STAM: variants seen among roughly 807,000 people sequenced by gnomAD.
STAM encodes signal transducing adapter molecule 1.
A neutral mutation model predicts 63.4 loss-of-function variants in STAM; 16 were observed. That is an observed-to-expected ratio of 0.25 (90% CI 0.17 to 0.38). STAM has a LOEUF of 0.38. Ranked by LOEUF, STAM falls within the 10% of genes least tolerant of loss-of-function variation. The probability of loss-of-function intolerance (pLI) is 1.00; values close to 1 mark genes in which losing one functional copy is unlikely to be tolerated. For synonymous variants in STAM, 238 were observed against 223.9 expected (o/e 1.06, Z -0.56); for missense variants, 636 against 657.1 (o/e 0.97, Z 0.35).
intron 10 of STAM, 138 bp downstream of exon 10, chr10:17,704,656 A>G (rs1313139921): frequency 2.7e-6 from 2 of 730,382 alleles, no homozygotes; most frequent in South Asian, 1.9e-5. Flanking sequence ...TCACTCTCAT[A>G]TGCAGTTGAA....
chr10:17,710,996 T>C (rs1181681363), intron 13 of STAM, among the ~76,000 whole-genome samples: 42 of 152,206 alleles, frequency 2.8e-4, no homozygotes, highest in African/African-American at 1.0e-3. Context: ...AGAGCAAATG[T>C]AGGATGAGGA....
At chr10:17,664,065 T>A (rs1368091025) in intron 2 of STAM, among the ~76,000 whole-genome samples, 2 of 150,454 alleles carry the variant, frequency 1.3e-5, no homozygotes, top group Non-Finnish European at 3.0e-5. Context: ...CACTTTTTTC[T>A]TCTTGTTTTA....
intron 10 of STAM, 85 bp downstream of exon 10, chr10:17,704,603 A>T: frequency 8.6e-7 from 1 of 1,162,510 alleles, no homozygotes; most frequent in Non-Finnish European, 1.3e-6. Context: ...TTTTGAGGAT[A>T]ATATTAAAAA....
At chr10:17,647,897 C>T (rs1833579782) in intron 1 of STAM, among the ~76,000 whole-genome samples, 1 of 152,192 alleles carries the variant, frequency 6.6e-6, no homozygotes, top group African/African-American at 2.4e-5. Flanking sequence ...TATCCATCTC[C>T]TTACTGAGCA....
At chr10:17,670,043 C>G (rs1227113009) in intron 2 of STAM, among the ~76,000 whole-genome samples, 1 of 151,938 alleles carries the variant, frequency 6.6e-6, no homozygotes, top group African/African-American at 2.4e-5. Flanking sequence ...AATTTCCCTT[C>G]TTAAAGGGTA....
In STAM at chr10:17,667,122, T is replaced by C. The variant is rs964382479; in HGVS notation, c.125+6574T>C. Among the ~76,000 whole-genome samples, 9 of 68,120 alleles carry C rather than the reference T, an allele frequency of 1.3e-4. No homozygotes were observed. The Admixed American group carries it at 2.2e-3, about 16-fold the overall frequency. 44.7% of individuals were successfully genotyped at this position (68,120 alleles called of 152,430 possible). On this transcript the variant is annotated intron_variant, in intron 2 of 13. Transcript: ENST00000377524. ...AATAGCGGAAGTGTTCCAGCAGAGT[T>C]AAATAATTTTTTTTTTTTTTTGAGA...
At chr10:17,678,985 C>G (rs74490561) in intron 2 of STAM, among the ~76,000 whole-genome samples, 9,065 of 152,238 alleles carry the variant, frequency 0.06, 369 homozygotes, top group Middle Eastern at 0.13. Context: ...GAATACTATT[C>G]CATTGTATAT....
chr10:17,649,915 A>G (rs1487424505), intron 1 of STAM, among the ~76,000 whole-genome samples: 1 of 152,154 alleles, frequency 6.6e-6, no homozygotes. Context: ...GGCCCAGCCA[A>G]TTTGGTAATA....
At chr10:17,701,847 A>C (rs189373259) in intron 9 of STAM, among the ~76,000 whole-genome samples, 1 of 152,240 alleles carries the variant, frequency 6.6e-6, no homozygotes, top group Non-Finnish European at 1.5e-5. Context: ...GGATGATTTC[A>C]TATACTGGTT....
chr10:17,645,023 G>C (rs893562002), intron 1 of STAM, among the ~76,000 whole-genome samples: 8 of 152,206 alleles, frequency 5.3e-5, no homozygotes, highest in African/African-American at 1.9e-4. Context: ...AGAAGTTGTT[G>C]AATCTGGAAA....
At chr10:17,713,964 C>G (rs939425648) in intron 13 of STAM, among the ~76,000 whole-genome samples, 8 of 152,134 alleles carry the variant, frequency 5.3e-5, no homozygotes, top group Admixed American at 5.2e-4. Context: ...CTCGGCACCC[C>G]CTGCGGCCCC....
intron 2 of STAM, among the ~76,000 whole-genome samples, chr10:17,663,815 A>G (rs1834269786): frequency 6.6e-6 from 1 of 152,068 alleles, no homozygotes; most frequent in African/African-American, 2.4e-5. Flanking sequence ...TTTTCTTTCA[A>G]TAATACTGTT....
chr10:17,688,167 C>A lies in STAM; in HGVS notation c.438C>A (p.Gly146=), dbSNP rs1243893415. The change falls in exon 5 of 14, where the codon GGC becomes GGA. Residue 146 remains glycine (G), a synonymous_variant. Transcript: ENST00000377524. ...AAGGAGTTACGTTCCCAGCTATTGG[C>A]TCTCAGGTATTTTGGGAATGAAGTT... is the stretch of plus-strand genomic sequence containing the variant. ...KEQGVTFPAI[G]SQAAEQAKAS... 1 of 1,553,442 alleles carries A rather than the reference C, an allele frequency of 6.4e-7. No homozygotes were observed. Among genetic ancestry groups the A allele is most frequent in the African/African-American group, 1.4e-5 (1 of 72,440 alleles).
intron 2 of STAM, among the ~76,000 whole-genome samples, chr10:17,663,363 A>G (rs1423236403): frequency 2.0e-5 from 3 of 151,788 alleles, no homozygotes; most frequent in African/African-American, 4.8e-5. Context: ...TTTCATATTT[A>G]TTTTTAAACT....
At chr10:17,678,861 G>A (rs554851128) in intron 2 of STAM, among the ~76,000 whole-genome samples, 312 of 152,088 alleles carry the variant, frequency 2.1e-3, no homozygotes, top group Admixed American at 3.8e-3. Context: ...ATACCTCATG[G>A]AAGTGGAAAC....
chr10:17,671,284 A>C (rs1477648235), intron 2 of STAM, among the ~76,000 whole-genome samples: 2 of 152,242 alleles, frequency 1.3e-5, no homozygotes, highest in African/African-American at 2.4e-5. Flanking sequence ...GTAATGTTTA[A>C]ATCACTCTAA....
In STAM at chr10:17,702,649, A is replaced by G. The variant is rs148528938; in HGVS notation, c.913-1782A>G. On this transcript the variant is annotated intron_variant, in intron 9 of 13. Coordinates refer to ENST00000377524, the MANE Select transcript of STAM (RefSeq NM_003473.4). The stretch of plus-strand genomic sequence containing the variant: ...ATTTGAAGAGCGAAACAGACTGTGG[A>G]AGACTGTGCTAAGGGCAAGGAATCC... Among the ~76,000 whole-genome samples, 8 of 152,320 alleles carry G rather than the reference A, an allele frequency of 5.3e-5. No homozygotes were observed. In the East Asian group the frequency reaches 1.5e-3, roughly 29 times the overall value.
chr10:17,706,648 G>C (rs1554829297), intron 12 of STAM, among the ~76,000 whole-genome samples: 2 of 151,932 alleles, frequency 1.3e-5, no homozygotes, highest in African/African-American at 2.4e-5. Flanking sequence ...CAAAGTGCTG[G>C]GATTCCAGGT....
rs782713114 is a variant in STAM at position 17,692,483 on chromosome 10, C to T, written c.445-739C>T. Reference sequence around the variant, plus strand: ...ATAGAGACTGCTCAGGAACTGCTAGCAGTTTCTGGTAACTGGCAGAATGGT... The same window carrying T: ...ATAGAGACTGCTCAGGAACTGCTAGTAGTTTCTGGTAACTGGCAGAATGGT... On this transcript the variant is annotated intron_variant, in intron 5 of 13. Coordinates refer to ENST00000377524, the MANE Select transcript of STAM (RefSeq NM_003473.4). 5.9e-5 allele frequency among the ~76,000 whole-genome samples: 9 copies of T among 152,152 alleles called. No individual in the cohort carries two copies. In the South Asian group the frequency reaches 6.2e-4, roughly 11 times the overall value.
Sources: gnomAD v4.1 joint callset for allele counts (sites outside exome capture counted in the v4.1 genomes callset) on GRCh38, gnomAD v4.1.1 for gene constraint, MANE v1.5 for transcripts, NCBI Gene and HGNC (gene_info 2026-07-23, HGNC 2026-07-21) for gene names.